TRHDE: variants seen among roughly 807,000 people sequenced by gnomAD.
The protein encoded by TRHDE is thyrotropin releasing hormone degrading enzyme.
Under a neutral mutation model 125.7 loss-of-function variants are expected in TRHDE, and 72 were observed. That is an observed-to-expected ratio of 0.57 (90% CI 0.47 to 0.70). TRHDE has a LOEUF of 0.70. TRHDE is among the 30% of genes least tolerant of loss of function. The pLI, the probability that TRHDE is intolerant of heterozygous loss-of-function variation, is 0.00. For synonymous variants in TRHDE, 509 were observed against 509.1 expected (o/e 1.00, Z 0.00); for missense variants, 1,110 against 1,327.1 (o/e 0.84, Z 2.54).
chr12:72,574,971 A>T (rs969493325), intron 10 of TRHDE, among the ~76,000 whole-genome samples: 2 of 152,146 alleles, frequency 1.3e-5, no homozygotes, highest in African/African-American at 4.8e-5. Flanking sequence ...TCTAGGTTAC[A>T]GTTACTTTGA....
At chr12:72,559,449 G>GCTAT (rs1244077666) in intron 7 of TRHDE, among the ~76,000 whole-genome samples, 1 of 152,118 alleles carries the variant, frequency 6.6e-6, no homozygotes, top group Non-Finnish European at 1.5e-5. Context: ...AAACCACTAT[G>GCTAT]CTATGATACC....
chr12:72,174,431 A>G (rs1424560426), intron 2 of TRHDE, among the ~76,000 whole-genome samples: 3 of 152,208 alleles, frequency 2.0e-5, no homozygotes, highest in East Asian at 1.9e-4. Flanking sequence ...ACACAATTTT[A>G]TTGTCTAATC....
rs1397097943 is a variant in TRHDE at position 72,421,584 on chromosome 12, C to T, written c.1315+43463C>T. 3.9e-5 allele frequency among the ~76,000 whole-genome samples: 6 copies of T among 152,226 alleles called. No individual in the cohort carries two copies. In the East Asian group the frequency reaches 5.8e-4, roughly 15 times the overall value. ...TTTTGCTACATTTTGTTGGTTACAA[C>T]GGAGTCTGTAAAACAAGCCACATTC... On this transcript the variant is annotated intron_variant, in intron 3 of 18. Transcript: ENST00000261180.
chr12:72,667,942 A>G lies in TRHDE; in HGVS notation c.*4747A>G, dbSNP rs1407865139. 1.3e-5 allele frequency: 2 copies of G among 151,734 alleles called. No homozygotes were observed. Among genetic ancestry groups the G allele is most frequent in the African/African-American group, 4.8e-5 (2 of 41,440 alleles). 9.4% of individuals were successfully genotyped at this position (151,734 alleles called of 1,614,324 possible). On this transcript the variant is annotated 3_prime_UTR_variant, in exon 19 of 19. Transcript: ENST00000261180. ...TTTTCTAAAATGGTTTCAGCATACT[A>G]TCGGTATCTCACAATGTGTTAATTT...
At chr12:72,434,683 A>G (rs899174694) in intron 3 of TRHDE, among the ~76,000 whole-genome samples, 1 of 152,226 alleles carries the variant, frequency 6.6e-6, no homozygotes, top group Non-Finnish European at 1.5e-5. Context: ...ATAAGGTCCC[A>G]TGCTCTAATG....
chr12:72,636,440 T>C (rs1282113790), intron 15 of TRHDE, among the ~76,000 whole-genome samples: 12 of 151,490 alleles, frequency 7.9e-5, no homozygotes, highest in Admixed American at 4.6e-4. Context: ...ACAATCATGT[T>C]GTCTGCAAAC....
rs143299553 is a variant in TRHDE at position 72,195,136 on chromosome 12, T to C, written n.279+89384T>C. ...AAAACCATCAGATCCTGTGAGAACT[T>C]GCTCACTATAATGAGAATAGCATGA... is the stretch of plus-strand genomic sequence containing the variant. On this transcript the variant is annotated intron_variant and non_coding_transcript_variant, in intron 2 of 4. Coordinates refer to the TRHDE transcript ENST00000548156. Among the ~76,000 whole-genome samples, 104 of 152,116 alleles carry C rather than the reference T, an allele frequency of 6.8e-4. 1 individual carries two copies. The East Asian group carries it at 0.016, about 24-fold the overall frequency.
intron 15 of TRHDE, among the ~76,000 whole-genome samples, chr12:72,649,833 A>G (rs1444624911): frequency 6.6e-6 from 1 of 152,052 alleles, no homozygotes; most frequent in Non-Finnish European, 1.5e-5. Context: ...ACAATGAAAT[A>G]TCACCTCACA....
Position 72,664,728 on chromosome 12 carries a change from C to T in TRHDE, c.*1533C>T, listed in dbSNP as rs2136119814. 1 of 152,098 alleles carries T rather than the reference C, an allele frequency of 6.6e-6. No individual in the cohort carries two copies. Among genetic ancestry groups the T allele is most frequent in the Non-Finnish European group, 1.5e-5 (1 of 67,962 alleles). 9.4% of individuals were successfully genotyped at this position (152,098 alleles called of 1,614,324 possible). A position where few individuals can be genotyped will look rare whatever the true frequency, so the allele number is the denominator to read the frequency against. On this transcript the variant is annotated 3_prime_UTR_variant, in exon 19 of 19. Coordinates refer to ENST00000261180, the MANE Select transcript of TRHDE (RefSeq NM_013381.3). ...TTTCACTCCACCAAATCTTACAAAT[C>T]ATTGAAAGAAATATATTCTAACAGT...
rs1878475551 is a variant in TRHDE at position 72,509,078 on chromosome 12, CA to C, written c.1722+9445del. Among the ~76,000 whole-genome samples the C allele has an allele frequency of 1.3e-5, 2 of 152,088 alleles. 1 individual carries two copies. Among genetic ancestry groups the C allele is most frequent in the South Asian group, 4.1e-4 (2 of 4,824 alleles). ...CCCAGGTTCAGGTAGTTCTTTATAG[CA>C]ATGCGAGAATAGACTAATATACCAC... is the stretch of plus-strand genomic sequence containing the variant. On this transcript the variant is annotated intron_variant, in intron 6 of 18. Coordinates refer to ENST00000261180, the MANE Select transcript of TRHDE (RefSeq NM_013381.3).
chr12:72,478,598 T>C (rs1056290379), intron 5 of TRHDE, among the ~76,000 whole-genome samples: 1 of 152,178 alleles, frequency 6.6e-6, no homozygotes, highest in Non-Finnish European at 1.5e-5. Context: ...TTTGCTTTTC[T>C]CCTGGCATTT....
At chr12:72,424,213 C>T (rs12296824) in intron 3 of TRHDE, among the ~76,000 whole-genome samples, 3,411 of 152,192 alleles carry the variant, frequency 0.022, 123 homozygotes, top group African/African-American at 0.078. Context: ...TGGTGGTGGC[C>T]ATTGATACTT....
intron 3 of TRHDE, among the ~76,000 whole-genome samples, chr12:72,456,400 T>C (rs1180891427): frequency 1.3e-5 from 2 of 152,182 alleles, no homozygotes; most frequent in Non-Finnish European, 2.9e-5. Flanking sequence ...ATGTTATGTG[T>C]ATATTAGAGT....
intron 2 of TRHDE, among the ~76,000 whole-genome samples, chr12:72,127,816 T>TA (rs563903217): frequency 1.6e-3 from 250 of 152,260 alleles, no homozygotes; most frequent in Non-Finnish European, 2.8e-3. Flanking sequence ...CTCCTGAGTC[T>TA]AAAATAAAAT....
chr12:72,138,779 A>G (rs1203601201), intron 2 of TRHDE, among the ~76,000 whole-genome samples: 1 of 152,236 alleles, frequency 6.6e-6, no homozygotes, highest in African/African-American at 2.4e-5. Context: ...GTCATCTGGC[A>G]GAAGTGACAC....
chr12:72,314,107 A>G (rs1440320422), intron 2 of TRHDE, among the ~76,000 whole-genome samples: 1 of 152,200 alleles, frequency 6.6e-6, no homozygotes, highest in African/African-American at 2.4e-5. Flanking sequence ...AGACTGTGAC[A>G]GGCTAAACTC....
chr12:72,245,191 A>C (rs2139383284), intron 2 of TRHDE, among the ~76,000 whole-genome samples: 1 of 151,670 alleles, frequency 6.6e-6, no homozygotes, highest in Non-Finnish European at 1.5e-5. Context: ...TACCATACCC[A>C]TGGTTTAGAA....
At chr12:72,334,621 G>T (rs939079573) in intron 2 of TRHDE, among the ~76,000 whole-genome samples, 1 of 152,176 alleles carries the variant, frequency 6.6e-6, no homozygotes. Context: ...AAATGCCCTT[G>T]TAGCTCTTGT....
chr12:72,659,483 C>T (rs1258901609), intron 18 of TRHDE, among the ~76,000 whole-genome samples: 2 of 152,112 alleles, frequency 1.3e-5, no homozygotes, highest in African/African-American at 4.8e-5. Flanking sequence ...ATTACATTTA[C>T]AGTTTTAATA....
Sources: allele counts gnomAD v4.1 joint callset (sites outside exome capture counted in the v4.1 genomes callset), GRCh38; gene constraint gnomAD v4.1.1; transcripts MANE v1.5; gene names NCBI Gene and HGNC (gene_info 2026-07-23, HGNC 2026-07-21).